Variants in CISH observed in about 807,000 individuals in gnomAD.
CISH encodes the protein cytokine inducible SH2 containing protein.
Under a neutral mutation model 21.3 loss-of-function variants are expected in CISH, and 11 were observed. The observed-to-expected ratio is 0.52, with a 90% confidence interval of 0.32 to 0.85. The LOEUF (loss-of-function observed/expected upper bound fraction) is 0.85. CISH is among the 40% of genes least tolerant of loss of function. The probability of loss-of-function intolerance (pLI) is 0.03; values close to 1 mark genes in which losing one functional copy is unlikely to be tolerated. For synonymous variants in CISH, 118 were observed against 142.3 expected (o/e 0.83, Z 1.22); for missense variants, 280 against 351.7 (o/e 0.80, Z 1.63).
At chr3:50,611,063 T>C in intron 1 of CISH, 1 of 990,498 alleles carries the variant, frequency 1.0e-6, no homozygotes, top group Non-Finnish European at 1.2e-6. Flanking sequence ...TGTGAGACGA[T>C]TGTGGGGGTA....
chr3:50,611,359 C>T, intron 1 of CISH: 1 of 1,348,020 alleles, frequency 7.4e-7, no homozygotes, highest in Non-Finnish European at 9.5e-7. Flanking sequence ...CCATCTGCTC[C>T]AATGAGAACC....
Position 50,611,714 on chromosome 3 carries a change from C to A in CISH, c.-64G>T. 6.3e-6 allele frequency: 9 copies of A among 1,434,172 alleles called. No individual in the cohort carries two copies. The highest frequency in any genetic ancestry group is 1.4e-5 in the South Asian group (1 of 70,078). 88.8% of individuals were successfully genotyped at this position (1,434,172 alleles called of 1,614,324 possible). A position where few individuals can be genotyped will look rare whatever the true frequency, so the allele number is the denominator to read the frequency against. Reference sequence around the variant, plus strand: ...CTGGACGGCGGCGGCTGGAGGGAACCAGTGGGCGCGGAGCGCGTGCTGGGT... The same window carrying A: ...CTGGACGGCGGCGGCTGGAGGGAACAAGTGGGCGCGGAGCGCGTGCTGGGT... On this transcript the variant is annotated 5_prime_UTR_variant, in exon 1 of 3. Transcript: ENST00000348721.
At position 50,608,627 on chromosome 3, in the gene CISH, C is replaced by T. The variant is rs762629938; in HGVS notation, c.21-34G>A. The T allele has an allele frequency of 3.6e-6, 5 of 1,382,450 alleles. No individual in the cohort carries two copies. In the East Asian group the frequency reaches 1.1e-4, roughly 29 times the overall value. The allele number at this position is 1,382,450 out of a possible 1,614,324, so 85.6% of individuals were successfully genotyped here. A position where few individuals can be genotyped will look rare whatever the true frequency, so the allele number is the denominator to read the frequency against. On this transcript the variant is annotated intron_variant, in intron 1 of 2. Transcript: ENST00000348721. ...CAGTGGATGAGCAGTGAGTGGAGGA[C>T]CCATGCTTCCCCCATCTCCAGAGAC... is the stretch of plus-strand genomic sequence containing the variant.
rs2032185438 is a variant in CISH at position 50,607,402 on chromosome 3, T to G, written c.*205A>C. 5 of 598,392 alleles carry G rather than the reference T, an allele frequency of 8.4e-6. No homozygotes were observed. The highest frequency in any genetic ancestry group is 1.5e-5 in the Non-Finnish European group (5 of 336,496). 37.1% of individuals were successfully genotyped at this position (598,392 alleles called of 1,614,324 possible). A position where few individuals can be genotyped will look rare whatever the true frequency, so the allele number is the denominator to read the frequency against. On this transcript the variant is annotated 3_prime_UTR_variant, in exon 3 of 3. Coordinates refer to ENST00000348721, the MANE Select transcript of CISH (RefSeq NM_145071.4). ...CATGGCTCAGTATAATGAAGCCACA[T>G]GCGGCCTGGGGGCATTTACCTCCAA...
chr3:50,606,527 T>C lies in CISH; in HGVS notation c.*1080A>G, dbSNP rs372260191. On this transcript the variant is annotated 3_prime_UTR_variant, in exon 3 of 3. Transcript: ENST00000348721. ...TCATTTTATTATAGAGGTAATAAAA[T>C]AAAGAGGTAATAAAGGTATAATGTC... 2.2e-4 allele frequency: 33 copies of C among 152,284 alleles called. No individual in the cohort carries two copies. The highest frequency in any genetic ancestry group is 7.9e-4 in the African/African-American group (33 of 41,554). The allele number at this position is 152,284 out of a possible 1,614,324, so 9.4% of individuals were successfully genotyped here. A position where few individuals can be genotyped will look rare whatever the true frequency, so the allele number is the denominator to read the frequency against.
At chr3:50,610,844 C>T (rs1358921918) in intron 1 of CISH, 5 of 1,074,610 alleles carry the variant, frequency 4.7e-6, no homozygotes, top group Non-Finnish European at 5.7e-6. Flanking sequence ...TGTCACATCA[C>T]CATGGCCAGC....
intron 1 of CISH, chr3:50,609,330 A>G (rs1229826000): frequency 1.3e-5 from 2 of 152,180 alleles, no homozygotes; most frequent in African/African-American, 2.4e-5. Flanking sequence ...AAGGGCAGGG[A>G]CCTAATCCAC....
rs768686842 is a variant in CISH at position 50,608,470 on chromosome 3, C to A, written c.144G>T (p.Glu48Asp). 3.1e-6 allele frequency: 5 copies of A among 1,613,566 alleles called. No homozygotes were observed. Among genetic ancestry groups the A allele is most frequent in the Non-Finnish European group, 4.2e-6 (5 of 1,179,806 alleles). ...PAGAFLEEVAEGTPAQTESEP... is the reference protein window; with the variant it reads ...PAGAFLEEVADGTPAQTESEP... ...CACTCTCTGTCTGGGCTGGGGTACC[C>A]TCTGCCACCTCCTCGAGGAAGGCCC... The change falls in exon 2 of 3, where the codon GAG (glutamate) becomes GAT (aspartate). Residue 48 changes from glutamate (E) to aspartate (D), a missense_variant. Physicochemically the swap from Glu to Asp is conservative, Grantham distance 45 (BLOSUM62 2). Coordinates refer to ENST00000348721, the MANE Select transcript of CISH (RefSeq NM_145071.4).
In CISH at chr3:50,607,995, CGTA is replaced by C; in HGVS notation, c.386_388del (p.Val129_Arg130delinsGly). 1 of 1,614,052 alleles carries C rather than the reference CGTA, an allele frequency of 6.2e-7. No homozygotes were observed. On this transcript the variant is annotated inframe_deletion, in exon 3 of 3. Coordinates refer to ENST00000348721, the MANE Select transcript of CISH (RefSeq NM_145071.4). ...GAAGCTGGAGTCGGCATACTCAATG[CGTA>C]CATTGGTGGGGCCACGAGTGGTTTT...
chr3:50,608,763 C>T (rs979670275), intron 1 of CISH, 170 bp from the exon 2 acceptor site: 2 of 436,858 alleles, frequency 4.6e-6, no homozygotes, highest in Middle Eastern at 5.8e-4. Context: ...TCTCGTTCCC[C>T]ACTTGTCATC....
At chr3:50,610,722 C>T in intron 1 of CISH, 1 of 1,291,518 alleles carries the variant, frequency 7.7e-7, no homozygotes, top group Non-Finnish European at 9.9e-7. Flanking sequence ...ACCTTCCACC[C>T]TCCCTCACTT....
chr3:50,608,494 C>T lies in CISH; in HGVS notation c.120G>A (p.Gly40=), dbSNP rs1254770366. 5 of 1,612,626 alleles carry T rather than the reference C, an allele frequency of 3.1e-6. No individual in the cohort carries two copies. The South Asian group carries it at 5.5e-5, about 18-fold the overall frequency. ...PKPVMQPLPA[G]AFLEEVAEGT... is the part of the protein sequence containing the mutation. ...CCTCTGCCACCTCCTCGAGGAAGGC[C>T]CCAGCAGGCAAGGGCTGCATGACTG... The change falls in exon 2 of 3, where the codon GGG becomes GGA. Residue 40 remains glycine (G), a synonymous_variant. Transcript: ENST00000348721.
Position 50,607,475 on chromosome 3 carries a change from C to T in CISH, c.*132G>A. The T allele has an allele frequency of 1.0e-6, 1 of 969,868 alleles. No homozygotes were observed. The highest frequency in any genetic ancestry group is 2.6e-5 in the East Asian group (1 of 38,004). The allele number at this position is 969,868 out of a possible 1,614,324, so 60.1% of individuals were successfully genotyped here. ...CCATGCCTTGCTCTTGCTGGCTCTT[C>T]CTGGGCCAGCTGCCAGAGGTATGCA... On this transcript the variant is annotated 3_prime_UTR_variant, in exon 3 of 3. Coordinates refer to ENST00000348721, the MANE Select transcript of CISH (RefSeq NM_145071.4).
intron 1 of CISH, chr3:50,610,684 G>T (rs2032297542): frequency 1.4e-6 from 2 of 1,380,752 alleles, no homozygotes; most frequent in East Asian, 5.6e-5. Flanking sequence ...AGTCTTCCCA[G>T]CACCTCCATG....
Position 50,607,263 on chromosome 3 carries a change from A to T in CISH, c.*344T>A. 3.6e-6 allele frequency: 1 copy of T among 279,002 alleles called. No homozygotes were observed. The highest frequency in any genetic ancestry group is 6.9e-6 in the Non-Finnish European group (1 of 145,762). 17.3% of individuals were successfully genotyped at this position (279,002 alleles called of 1,614,324 possible). ...CCTACCCGACCCTGGGGATTGAAAA[A>T]CCAGGGCTGAGAGTGCCCATACAGT... On this transcript the variant is annotated 3_prime_UTR_variant, in exon 3 of 3. Coordinates refer to ENST00000348721, the MANE Select transcript of CISH (RefSeq NM_145071.4).
Position 50,607,812 on chromosome 3 carries a change from G to A in CISH, c.572C>T (p.Ala191Val), listed in dbSNP as rs764779412. The change falls in exon 3 of 3, where the codon GCG becomes GTG. Residue 191 changes from alanine to valine, a missense_variant. Coordinates refer to ENST00000348721, the MANE Select transcript of CISH (RefSeq NM_145071.4). The stretch of plus-strand genomic sequence containing the variant: ...AGCAGGCAGTGCTGGGTCACTAGGC[G>A]CATCCTCCTTAGGCATAGGCAGGGC... Reference protein sequence around the residue: ...TPALPMPKEDAPSDPALPAPP... With the variant: ...TPALPMPKEDVPSDPALPAPP... The A allele has an allele frequency of 2.9e-5, 46 of 1,613,790 alleles. No homozygotes were observed. The highest frequency in any genetic ancestry group is 3.8e-5 in the Non-Finnish European group (45 of 1,179,920).
chr3:50,608,174 A>G, intron 2 of CISH, 32 bp from the exon 3 acceptor site: 1 of 1,572,296 alleles, frequency 6.4e-7, no homozygotes, highest in South Asian at 1.2e-5. Context: ...CAAGGGACAT[A>G]GTGGAAATTA....
At chr3:50,611,556 G>A in intron 1 of CISH, 75 bp downstream of exon 1, 2 of 1,522,920 alleles carry the variant, frequency 1.3e-6, no homozygotes, top group Non-Finnish European at 1.8e-6. Flanking sequence ...CCAATGCCCG[G>A]CAGCTAGCAC....
intron 1 of CISH, 141 bp downstream of exon 1, chr3:50,611,490 G>A: frequency 1.4e-6 from 2 of 1,477,094 alleles, no homozygotes; most frequent in Non-Finnish European, 1.8e-6. Flanking sequence ...GCCCCACACA[G>A]AGCCTTGCTC....
Sources: gnomAD v4.1 joint callset for allele counts on GRCh38, gnomAD v4.1.1 for gene constraint, MANE v1.5 for transcripts, NCBI Gene and HGNC (gene_info 2026-07-23, HGNC 2026-07-21) for gene names.